TENM2: variants seen among roughly 807,000 people sequenced by gnomAD.
The protein encoded by TENM2 is teneurin transmembrane protein 2, also known as teneurin-2.
Under a neutral mutation model 245.2 loss-of-function variants are expected in TENM2, and 52 were observed. The ratio of observed to expected loss-of-function variants is 0.21; its 90% CI spans 0.17 to 0.27. The LOEUF is 0.27. Among genes scored for constraint, TENM2 ranks in the 10% least tolerant of loss-of-function variants. The probability of loss-of-function intolerance (pLI) is 1.00; values close to 1 mark genes in which losing one functional copy is unlikely to be tolerated. For missense variants in TENM2, 3,046 were observed against 3,666.8 expected (o/e 0.83, Z 4.37); for synonymous variants, 1,363 against 1,438.9 (o/e 0.95, Z 1.19).
chr5:168,119,919 A>G (rs1279760681), intron 10 of TENM2, among the ~76,000 whole-genome samples: 1 of 152,220 alleles, frequency 6.6e-6, no homozygotes, highest in Non-Finnish European at 1.5e-5. Flanking sequence ...CAGGCTAACA[A>G]GGGATCTCAG....
rs564089698 is a variant in TENM2 at position 167,559,715 on chromosome 5, A to C, written c.502+184242A>C. ...GTAAGGGGGCATGGAGATATTTCTT[A>C]TGTATCCCATATCATAGTATTTTGG... On this transcript the variant is annotated intron_variant, in intron 2 of 28. Coordinates refer to ENST00000518659, the Ensembl canonical transcript of TENM2. Among the ~76,000 whole-genome samples the C allele has an allele frequency of 1.3e-4, 20 of 152,236 alleles. No individual in the cohort carries two copies. The South Asian group carries it at 3.9e-3, about 30-fold the overall frequency.
chr5:167,976,653 A>G (rs1782464821), intron 4 of TENM2, among the ~76,000 whole-genome samples: 1 of 152,250 alleles, frequency 6.6e-6, no homozygotes, highest in Non-Finnish European at 1.5e-5. Context: ...AAAATAAAAT[A>G]GAATTTTTCT....
chr5:168,110,431 C>G (rs1301359801), intron 9 of TENM2, among the ~76,000 whole-genome samples: 1 of 152,144 alleles, frequency 6.6e-6, no homozygotes, highest in Non-Finnish European at 1.5e-5. Flanking sequence ...GAATTCTTAT[C>G]CCACTTCAAA....
At chr5:167,369,449 C>CTT (rs1180419959) in intron 1 of TENM2, among the ~76,000 whole-genome samples, 3 of 112,478 alleles carry the variant, frequency 2.7e-5, no homozygotes, top group African/African-American at 1.1e-4. Context: ...TTTTGATGAA[C>CTT]TATTTTTTTT....
At chr5:167,526,552 TG>T (rs1771137575) in intron 2 of TENM2, among the ~76,000 whole-genome samples, 1 of 152,050 alleles carries the variant, frequency 6.6e-6, no homozygotes, top group African/African-American at 2.4e-5. Context: ...GCAATTTGTT[TG>T]TTTTTTTCTT....
intron 27 of TENM2, among the ~76,000 whole-genome samples, chr5:168,256,040 G>A (rs1008508910): frequency 3.3e-5 from 5 of 151,680 alleles, no homozygotes; most frequent in Admixed American, 2.6e-4. Flanking sequence ...TCCTGACCTC[G>A]TGATCTGCCC....
chr5:167,754,341 A>G (rs80226896), intron 2 of TENM2, among the ~76,000 whole-genome samples: 375 of 152,318 alleles, frequency 2.5e-3, no homozygotes, highest in South Asian at 6.6e-3. Flanking sequence ...CCGACCAGGA[A>G]GGAGAACTGA....
chr5:167,942,609 T>A (rs1445217918), intron 3 of TENM2, among the ~76,000 whole-genome samples: 2 of 152,186 alleles, frequency 1.3e-5, no homozygotes, highest in African/African-American at 4.8e-5. Context: ...ACTGGCCTCC[T>A]GGTGGTCCCA....
the TENM2 span, among the ~76,000 whole-genome samples, chr5:167,058,668 C>T: frequency 6.6e-6 from 1 of 152,064 alleles, no homozygotes; most frequent in African/African-American, 2.4e-5. Context: ...AGAGGATCAC[C>T]TGAGCCCAGG....
chr5:167,740,098 A>G (rs990785297), intron 2 of TENM2, among the ~76,000 whole-genome samples: 1 of 152,164 alleles, frequency 6.6e-6, no homozygotes, highest in Non-Finnish European at 1.5e-5. Flanking sequence ...CTCAAAAAGC[A>G]GGGTTGTAGC....
At chr5:167,670,716 G>A (rs1207932726) in intron 2 of TENM2, among the ~76,000 whole-genome samples, 1 of 152,004 alleles carries the variant, frequency 6.6e-6, no homozygotes, top group East Asian at 1.9e-4. Flanking sequence ...TTTTTTCCTT[G>A]GAAGGTATTT....
At chr5:168,047,639 G>T (rs1788721455) in intron 6 of TENM2, 90 bp downstream of exon 8, 3 of 1,444,336 alleles carry the variant, frequency 2.1e-6, no homozygotes, top group Admixed American at 2.5e-5. Flanking sequence ...TCCAAATCTT[G>T]GAAGGTATGC....
chr5:167,065,578 T>C, the TENM2 span, among the ~76,000 whole-genome samples: 1 of 152,170 alleles, frequency 6.6e-6, no homozygotes, highest in South Asian at 2.1e-4. Flanking sequence ...TTTAAAGAAA[T>C]ACAAAGTCGT....
chr5:167,557,124 A>G (rs1233828795), intron 2 of TENM2, among the ~76,000 whole-genome samples: 1 of 152,212 alleles, frequency 6.6e-6, no homozygotes, highest in Non-Finnish European at 1.5e-5. Flanking sequence ...TACACAGACC[A>G]TTGGCATGTG....
chr5:167,952,090 T>TTAGC (rs1261091929), intron 3 of TENM2, among the ~76,000 whole-genome samples: 2 of 152,204 alleles, frequency 1.3e-5, no homozygotes, highest in East Asian at 3.9e-4. Flanking sequence ...AACTCAGTCC[T>TTAGC]TAGCTAGCCC....
chr5:167,941,122 C>A (rs920207862), intron 3 of TENM2, among the ~76,000 whole-genome samples: 1 of 152,156 alleles, frequency 6.6e-6, no homozygotes, highest in Non-Finnish European at 1.5e-5. Flanking sequence ...ATGTGATGAA[C>A]AACTCAGGAC....
chr5:167,220,483 C>T, the TENM2 span, among the ~76,000 whole-genome samples: 8 of 152,160 alleles, frequency 5.3e-5, no homozygotes, highest in African/African-American at 1.9e-4. Flanking sequence ...TTTTATTTTA[C>T]TGCTCACATG....
the TENM2 span, among the ~76,000 whole-genome samples, chr5:167,166,768 G>A: frequency 9.8e-4 from 149 of 152,102 alleles, no homozygotes; most frequent in African/African-American, 3.5e-3. Context: ...AAACACCCAG[G>A]TTGCCTATTC....
At chr5:167,421,401 G>A (rs1004027361) in intron 2 of TENM2, among the ~76,000 whole-genome samples, 11 of 152,158 alleles carry the variant, frequency 7.2e-5, no homozygotes, top group African/African-American at 2.7e-4. Flanking sequence ...TAAATTAAGT[G>A]CCTATTAGAG....
Sources: allele counts gnomAD v4.1 joint callset (sites outside exome capture counted in the v4.1 genomes callset), GRCh38; gene constraint gnomAD v4.1.1; transcripts MANE v1.5; gene names NCBI Gene and HGNC (gene_info 2026-07-23, HGNC 2026-07-21).